The following CD83 variants were observed in gnomAD, a reference collection of about 807,000 sequenced individuals.
CD83 encodes CD83 molecule.
CD83 carries 22 observed loss-of-function variants against 24.6 expected under a neutral mutation model. That is an observed-to-expected ratio of 0.90 (90% CI 0.64 to 1.28). The LOEUF (loss-of-function observed/expected upper bound fraction) is 1.28, where lower values mean the gene tolerates loss of function less well. Among genes scored for constraint, CD83 ranks in the 50% most tolerant of loss-of-function variants. The pLI is 0.00. For synonymous variants in CD83, 101 were observed against 103.5 expected (o/e 0.98, Z 0.14); for missense variants, 253 against 252.8 (o/e 1.00, Z -0.01).
intron 3 of CD83, among the ~76,000 whole-genome samples, chr6:14,132,317 T>G (rs1478294174): frequency 6.6e-6 from 1 of 152,192 alleles, no homozygotes; most frequent in African/African-American, 2.4e-5. Flanking sequence ...AGGCCCTCAA[T>G]GAATATTCAC....
intron 2 of CD83, among the ~76,000 whole-genome samples, chr6:14,125,544 C>G (rs1759784696): frequency 6.6e-6 from 1 of 152,188 alleles, no homozygotes; most frequent in Non-Finnish European, 1.5e-5. Context: ...TTGACTGGGT[C>G]ACGTGCCTAT....
Position 14,136,020 on chromosome 6 carries a change from G to A in CD83, c.*784G>A, listed in dbSNP as rs544954225. On this transcript the variant is annotated 3_prime_UTR_variant, in exon 5 of 5. Coordinates refer to ENST00000379153, the MANE Select transcript of CD83 (RefSeq NM_004233.4). ...AGAAGTCAGAGAGGGTGACAAGATA[G>A]AGAGCTATTTAATGGCCGGCTGGAA... The A allele has an allele frequency of 1.9e-4, 29 of 152,386 alleles. No homozygotes were observed. The highest frequency in any genetic ancestry group is 6.0e-4 in the African/African-American group (25 of 41,562). 9.4% of individuals were successfully genotyped at this position (152,386 alleles called of 1,614,324 possible).
intron 2 of CD83, among the ~76,000 whole-genome samples, chr6:14,120,820 T>G (rs1375828083): frequency 6.6e-6 from 1 of 152,258 alleles, no homozygotes; most frequent in African/African-American, 2.4e-5. Context: ...CATATGCCTT[T>G]GACCAGAAAA....
At chr6:14,131,364 C>A (rs889415287) in intron 2 of CD83, among the ~76,000 whole-genome samples, 156 bp from the exon 3 acceptor site, 2 of 152,168 alleles carry the variant, frequency 1.3e-5, no homozygotes, top group African/African-American at 4.8e-5. Flanking sequence ...TTTCATAGAT[C>A]TTTCCTCCCC....
At chr6:14,135,087 A>T (rs974591512) in intron 4 of CD83, 21 bp from the exon 5 acceptor site, 1 of 1,612,850 alleles carries the variant, frequency 6.2e-7, no homozygotes, top group Non-Finnish European at 8.5e-7. Context: ...TTCACTTCAC[A>T]TTTCTTTCAT....
Position 14,118,014 on chromosome 6 carries a change from C to T in CD83, c.102C>T (p.Pro34=), listed in dbSNP as rs774322730. ...CTTGCTCCGAAGATGTGGACTTGCC[C>T]TGCACCGCCCCCTGGGATCCGCAGG... The part of the protein sequence containing the change: ...KVACSEDVDL[P]CTAPWDPQVP... Residue 34 remains proline, a synonymous_variant, in exon 2 of 5, where the codon CCC becomes CCT. Transcript: ENST00000379153. The T allele has an allele frequency of 6.2e-7, 1 of 1,611,324 alleles. No homozygotes were observed. The highest frequency in any genetic ancestry group is 8.5e-7 in the Non-Finnish European group (1 of 1,179,294).
chr6:14,126,639 G>T (rs1002880902), intron 2 of CD83, among the ~76,000 whole-genome samples: 1 of 152,034 alleles, frequency 6.6e-6, no homozygotes, highest in South Asian at 2.1e-4. Context: ...ATAAAACTAC[G>T]CATAGAAAAA....
At chr6:14,127,516 A>G (rs1207478941) in intron 2 of CD83, among the ~76,000 whole-genome samples, 3 of 151,534 alleles carry the variant, frequency 2.0e-5, no homozygotes, top group African/African-American at 7.3e-5. Flanking sequence ...GATTTATTTT[A>G]TGTCTTTTGT....
intron 2 of CD83, among the ~76,000 whole-genome samples, chr6:14,126,814 A>AT (rs1759827029): frequency 2.0e-5 from 3 of 152,200 alleles, no homozygotes; most frequent in Admixed American, 6.5e-5. Context: ...AAGAAATGCG[A>AT]TAAAAAAAGC....
intron 2 of CD83, among the ~76,000 whole-genome samples, chr6:14,130,855 T>A (rs1004002743): frequency 6.6e-6 from 1 of 152,190 alleles, no homozygotes; most frequent in African/African-American, 2.4e-5. Context: ...ATGTGGAGTT[T>A]GATATGAGCA....
At chr6:14,134,307 C>T (rs1285630611) in intron 4 of CD83, among the ~76,000 whole-genome samples, 1 of 152,240 alleles carries the variant, frequency 6.6e-6, no homozygotes, top group Non-Finnish European at 1.5e-5. Context: ...TGCAGGATGG[C>T]TGGCCGGTGC....
In CD83 at chr6:14,122,822, G is replaced by A. The variant is rs180671085; in HGVS notation, c.153+4757G>A. Among the ~76,000 whole-genome samples, 15 of 152,284 alleles carry A rather than the reference G, an allele frequency of 9.9e-5. No homozygotes were observed. The East Asian group carries it at 2.9e-3, about 29-fold the overall frequency. ...AGTCCCAAATGTGTGCCCCATCCTG[G>A]GCCTGGCATTGGCCATCTCAGGATC... On this transcript the variant is annotated intron_variant, in intron 2 of 4. Transcript: ENST00000379153.
upstream of CD83, chr6:14,117,750 G>A (rs1759565732): frequency 7.7e-7 from 1 of 1,298,080 alleles, no homozygotes; most frequent in South Asian, 1.7e-5. The surrounding 1 kb of genome is among the most constrained non-coding windows in gnomAD (Gnocchi z 4.6). Context: ...GGGCATAAAA[G>A]GGCAGCCGGC....
intron 2 of CD83, among the ~76,000 whole-genome samples, chr6:14,119,235 G>C (rs1759615240): frequency 6.6e-6 from 1 of 152,216 alleles, no homozygotes; most frequent in African/African-American, 2.4e-5. Context: ...AGTTATGCAT[G>C]ACGGGGATGG....
Position 14,117,924 on chromosome 6 carries a change from C to A in CD83, c.38-26C>A. The A allele has an allele frequency of 6.3e-7, 1 of 1,596,456 alleles. No individual in the cohort carries two copies. On this transcript the variant is annotated intron_variant, in intron 1 of 4. Transcript: ENST00000379153. The surrounding 1 kb of genome is among the most constrained non-coding windows in gnomAD (Gnocchi z 4.6). ...CACCCCCTCCCGTCGGTCGCTTGCT[C>A]ACGACGCGCTCTCTCTTTCTTGTAG...
In CD83 at chr6:14,131,735, C is replaced by T. The variant is rs140581532; in HGVS notation, c.369C>T (p.Ile123=). ...DGQRNLSGKV[I]LRVTGCPAQR... is the part of the protein sequence containing the mutation. Reference sequence around the variant, plus strand: ...AGAGAAACCTAAGTGGCAAGGTGATCTTGAGAGTGACAGGTGAGGTGACCT... The same window carrying T: ...AGAGAAACCTAAGTGGCAAGGTGATTTTGAGAGTGACAGGTGAGGTGACCT... The change falls in exon 3 of 5, where the codon ATC becomes ATT. Residue 123 remains isoleucine, a synonymous_variant. Transcript: ENST00000379153. The T allele has an allele frequency of 3.1e-6, 5 of 1,612,140 alleles. No individual in the cohort carries two copies. In the African/African-American group the frequency reaches 4.0e-5, roughly 13 times the overall value.
In CD83 at chr6:14,129,442, G is replaced by T. The variant is rs1449089981; in HGVS notation, c.154-2078G>T. On this transcript the variant is annotated intron_variant, in intron 2 of 4. Transcript: ENST00000379153. The surrounding 1 kb of genome is among the most constrained non-coding windows in gnomAD (Gnocchi z 4.3). ...AAAAGGGAAAAATGGTGCTAAATTA[G>T]ATGTGTTCTGGAATCAGATGGACAC... Among the ~76,000 whole-genome samples the T allele has an allele frequency of 6.6e-6, 1 of 152,208 alleles. No homozygotes were observed. The highest frequency in any genetic ancestry group is 2.4e-5 in the African/African-American group (1 of 41,442).
intron 2 of CD83, among the ~76,000 whole-genome samples, chr6:14,122,888 C>G (rs1382232160): frequency 1.3e-5 from 2 of 152,218 alleles, no homozygotes; most frequent in Admixed American, 6.5e-5. Flanking sequence ...GAGCAAAGGC[C>G]TGGGAATCCA....
intron 2 of CD83, among the ~76,000 whole-genome samples, chr6:14,124,766 T>G (rs576025497): frequency 2.2e-4 from 33 of 152,164 alleles, no homozygotes; most frequent in Non-Finnish European, 4.6e-4. Context: ...AAAATACAGT[T>G]CACATTTCAG....
Sources: gnomAD v4.1 joint callset for allele counts (sites outside exome capture counted in the v4.1 genomes callset) on GRCh38, gnomAD v4.1.1 for gene constraint, Gnocchi (gnomAD v3.1) non-coding constraint, MANE v1.5 for transcripts, NCBI Gene and HGNC (gene_info 2026-07-23, HGNC 2026-07-21) for gene names.